The following UBA2 variants were observed in gnomAD, a reference collection of about 807,000 sequenced individuals.
UBA2 encodes SUMO-activating enzyme subunit 2.
UBA2 carries 11 observed loss-of-function variants against 77.2 expected under a neutral mutation model. The observed-to-expected ratio is 0.14, with a 90% CI of 0.09 to 0.24. The LOEUF (loss-of-function observed/expected upper bound fraction) is 0.24. UBA2 is among the 10% of genes least tolerant of loss of function. UBA2 has a pLI of 1.00. For synonymous variants in UBA2, 278 were observed against 276.7 expected, an observed-to-expected ratio of 1.00 and a Z score of -0.05; for missense variants, 487 against 781.7, an observed-to-expected ratio of 0.62 and a Z score of 4.50.
intron 8 of UBA2, among the ~76,000 whole-genome samples, chr19:34,448,562 T>C (rs1199798036): frequency 6.6e-6 from 1 of 152,152 alleles, no homozygotes; most frequent in Non-Finnish European, 1.5e-5. Context: ...ACCACTGCAC[T>C]TCAGCCTGGG....
chr19:34,444,512 C>CT (rs2075407230), intron 7 of UBA2, among the ~76,000 whole-genome samples: 1 of 152,086 alleles, frequency 6.6e-6, no homozygotes, highest in Admixed American at 6.6e-5. Flanking sequence ...CTTTCAGAAA[C>CT]TAAGTTACAA....
chr19:34,428,768 G>A (rs2075217000), intron 1 of UBA2, 198 bp downstream of exon 1: 1 of 1,139,710 alleles, frequency 8.8e-7, no homozygotes, highest in African/African-American at 1.6e-5. Context: ...GCGGGCCTCC[G>A]CTCGCTGGGC....
intron 1 of UBA2, chr19:34,428,812 G>T (rs2075218149): frequency 8.7e-7 from 1 of 1,154,818 alleles, no homozygotes; most frequent in Admixed American, 4.6e-5. Flanking sequence ...GCGGGCCCCC[G>T]CCTCCCCGGC....
At chr19:34,430,326 A>G (rs2075238120) in intron 1 of UBA2, 1 of 357,882 alleles carries the variant, frequency 2.8e-6, no homozygotes, top group Admixed American at 4.5e-5. Context: ...TTCCAGGATG[A>G]TTAAACAAAC....
chr19:34,467,010 C>T lies in UBA2; in HGVS notation c.1737C>T (p.Ser579=). The T allele has an allele frequency of 6.2e-7, 1 of 1,613,818 alleles. No individual in the cohort carries two copies. Residue 579 remains serine (S), a synonymous_variant, in exon 16 of 17, where the codon TCC becomes TCT. Coordinates refer to ENST00000246548, the MANE Select transcript of UBA2 (RefSeq NM_005499.3). ...GSDDGAQPST[S]TAQEQDDVLI... ...ATGATGGAGCTCAGCCCTCCACCTCCACAGGTGAGTATGGCCCCAGCCAGC... is the reference window on the plus strand; with the variant it reads ...ATGATGGAGCTCAGCCCTCCACCTCTACAGGTGAGTATGGCCCCAGCCAGC...
intron 5 of UBA2, among the ~76,000 whole-genome samples, chr19:34,435,425 G>A (rs1280738514): frequency 1.3e-5 from 2 of 152,078 alleles, no homozygotes; most frequent in Non-Finnish European, 2.9e-5. Flanking sequence ...TGCTATAAAC[G>A]TGCTCAAAAG....
At chr19:34,444,634 C>T (rs1048060719) in intron 7 of UBA2, among the ~76,000 whole-genome samples, 1 of 152,150 alleles carries the variant, frequency 6.6e-6, no homozygotes, top group Admixed American at 6.5e-5. Flanking sequence ...TGGCAAAACC[C>T]TGTCTCTACA....
At chr19:34,429,708 C>T (rs887418200) in intron 1 of UBA2, among the ~76,000 whole-genome samples, 10 of 151,772 alleles carry the variant, frequency 6.6e-5, no homozygotes, top group African/African-American at 2.2e-4. Context: ...TGGTGGTGTG[C>T]GCCTGTGGTC....
intron 2 of UBA2, 96 bp downstream of exon 2, chr19:34,430,755 G>A (rs2075243978): frequency 1.4e-5 from 12 of 887,980 alleles, no homozygotes; most frequent in Non-Finnish European, 2.0e-5. Flanking sequence ...GAAAAAATGG[G>A]TGAAGCTCTC....
rs755659924 is a variant in UBA2, at chr19:34,428,513, C to T, written c.81C>T (p.Gly27=). ...GGRVLVVGAG[G]IGCELLKNLV... ...GGGTGCTGGTGGTGGGGGCGGGCGGCATCGGCTGCGAGCTCCTCAAGAATC... is the reference window on the plus strand; with the variant it reads ...GGGTGCTGGTGGTGGGGGCGGGCGGTATCGGCTGCGAGCTCCTCAAGAATC... The change falls in exon 1 of 17, where the codon GGC becomes GGT. Residue 27 remains glycine, a synonymous_variant. Transcript: ENST00000246548. The T allele has an allele frequency of 6.9e-6, 9 of 1,303,916 alleles. No individual in the cohort carries two copies. The highest frequency in any genetic ancestry group is 6.0e-5 in the African/African-American group (4 of 66,258). The allele number at this position is 1,303,916 out of a possible 1,614,324, so 80.8% of individuals were successfully genotyped here.
chr19:34,458,872 T>C lies in UBA2; in HGVS notation c.1349T>C (p.Val450Ala). ...NCYVCASKPE[V>A]TVRLNVHKVT... ...TATGTATGTGCCAGCAAGCCAGAGG[T>C]GACTGTGCGGCTGAATGTCCATAAA... The change falls in exon 13 of 17, where the codon GTG becomes GCG. Residue 450 changes from valine (V) to alanine (A), a missense_variant. By Grantham distance (64) the Val-to-Ala change is moderately conservative. Transcript: ENST00000246548. The C allele has an allele frequency of 1.2e-6, 2 of 1,614,090 alleles. No individual in the cohort carries two copies. Among genetic ancestry groups the C allele is most frequent in the East Asian group, 2.2e-5 (1 of 44,868 alleles).
Position 34,454,451 on chromosome 19 carries a change from A to C in UBA2, c.1140A>C (p.Ala380=). The C allele has an allele frequency of 1.3e-6, 2 of 1,592,212 alleles. No homozygotes were observed. The highest frequency in any genetic ancestry group is 1.7e-6 in the Non-Finnish European group (2 of 1,169,476). The change falls in exon 12 of 17, where the codon GCA becomes GCC. Residue 380 remains alanine (A), a synonymous_variant. Transcript: ENST00000246548. ...MKSRFDIKSM[A]GNIIPAIATT... ...CTTTTTTTTTTTTCCCAGCAATGGC[A>C]GGGAACATTATTCCTGCTATTGCTA...
intron 4 of UBA2, 38 bp downstream of exon 4, chr19:34,433,450 CCT>C (rs1379849471): frequency 1.5e-6 from 2 of 1,299,868 alleles, no homozygotes; most frequent in Admixed American, 3.7e-5. Context: ...CTCAGTATTT[CCT>C]CTCTCCCATA....
chr19:34,464,200 A>C (rs1266893009), intron 15 of UBA2, 69 bp downstream of exon 15: 1 of 1,113,950 alleles, frequency 9.0e-7, no homozygotes, highest in African/African-American at 1.6e-5. Flanking sequence ...AAATGAAGGA[A>C]AAGTGTTTTC....
intron 15 of UBA2, 106 bp from the exon 16 acceptor site, chr19:34,466,772 A>AT: frequency 1.2e-6 from 1 of 802,174 alleles, no homozygotes; most frequent in Non-Finnish European, 1.9e-6. Context: ...TAGAATCCAC[A>AT]TATTTGGTGT....
At chr19:34,454,163 A>G (rs772710417) in intron 10 of UBA2, 97 bp from the exon 11 acceptor site, 115 of 1,092,892 alleles carry the variant, frequency 1.1e-4, no homozygotes, top group Non-Finnish European at 1.2e-4. Flanking sequence ...TCGAAAGTCT[A>G]TAGTATTATA....
rs1262007864 is a variant in UBA2 at position 34,457,179 on chromosome 19, A to AAAAATATATAT, written c.1246-1589_1246-1588insAAATATATATA. Among the ~76,000 whole-genome samples the AAAAATATATAT allele has an allele frequency of 1.3e-4, 7 of 53,218 alleles. 1 individual carries two copies. Among genetic ancestry groups the AAAAATATATAT allele is most frequent in the African/African-American group, 5.9e-4 (5 of 8,528 alleles). The allele number at this position is 53,218 out of a possible 152,430, so 34.9% of individuals were successfully genotyped here. ...CCTGGTCTCTACTAAAAAAAAAAAA[A>AAAAATATATAT]ATATATATATATATATATATATATA... is the stretch of plus-strand genomic sequence containing the variant. On this transcript the variant is annotated intron_variant, in intron 12 of 16. Transcript: ENST00000246548.
chr19:34,463,948 GGT>G, intron 14 of UBA2, 76 bp from the exon 15 acceptor site: 6 of 999,538 alleles, frequency 6.0e-6, no homozygotes, highest in Non-Finnish European at 9.6e-6. Context: ...CCATAACAGA[GGT>G]TTAGCTTTTT....
chr19:34,449,194 C>T (rs561236617), intron 8 of UBA2, among the ~76,000 whole-genome samples: 4 of 151,584 alleles, frequency 2.6e-5, no homozygotes, highest in Admixed American at 1.3e-4. Context: ...CTCAGCCTCC[C>T]GAGTAGCTGG....
Sources: gnomAD v4.1 joint callset for allele counts (sites outside exome capture counted in the v4.1 genomes callset) on GRCh38, gnomAD v4.1.1 for gene constraint, MANE v1.5 for transcripts, NCBI Gene and HGNC (gene_info 2026-07-23, HGNC 2026-07-21) for gene names.